HMHB1: variants seen among roughly 807,000 people sequenced by gnomAD.
The protein encoded by HMHB1 is histocompatibility minor HB-1, also known as minor histocompatibility protein HB-1.
A neutral mutation model predicts 2.4 loss-of-function variants in HMHB1; 4 were observed. The ratio of observed to expected loss-of-function variants is 1.65; its 90% confidence interval spans 0.81 to 3.77. HMHB1 has a LOEUF of 3.77. Among genes scored for constraint, HMHB1 ranks in the 30% most tolerant of loss-of-function variants. The probability of loss-of-function intolerance (pLI) is 0.01; values close to 1 mark genes in which losing one functional copy is unlikely to be tolerated. For missense variants in HMHB1, 57 were observed against 44.2 expected, an observed-to-expected ratio of 1.29 and a Z score of -0.82; for synonymous variants, 22 against 17.6, an observed-to-expected ratio of 1.25 and a Z score of -0.63.
At chr5:143,820,410 T>G (rs1335714918) in intron 1 of HMHB1, 70 bp from the exon 2 acceptor site, 2 of 811,634 alleles carry the variant, frequency 2.5e-6, no homozygotes, top group African/African-American at 3.4e-5. Flanking sequence ...TGGAGTTTTA[T>G]TAATCTAAAT....
At position 143,820,479 on chromosome 5, in the gene HMHB1, G is replaced by A. The variant is rs202039699; in HGVS notation, c.38-1G>A. 1.3e-6 allele frequency: 2 copies of A among 1,597,096 alleles called. No individual in the cohort carries two copies. The highest frequency in any genetic ancestry group is 1.1e-5 in the South Asian group (1 of 90,684). On this transcript the variant is annotated splice_acceptor_variant, in intron 1 of 1. Coordinates refer to ENST00000289448, the MANE Select transcript of HMHB1 (RefSeq NM_021182.3). LOFTEE classifies it high-confidence loss of function. ...CTCAGCTAAGCCATTCTTTTCTATA[G>A]GTTCTCTGCATGTTTGGAAGTCGGA...
At chr5:143,819,589 C>T (rs772737469) in intron 1 of HMHB1, among the ~76,000 whole-genome samples, 7 of 144,470 alleles carry the variant, frequency 4.8e-5, no homozygotes, top group East Asian at 4.1e-4. Context: ...AAGCCAAGAT[C>T]GTGCCACTGC....
intron 1 of HMHB1, among the ~76,000 whole-genome samples, chr5:143,819,335 A>T (rs1759781199): frequency 6.6e-6 from 1 of 152,218 alleles, no homozygotes; most frequent in Non-Finnish European, 1.5e-5. Flanking sequence ...ATGGGCAGAG[A>T]ACCCTAAAAG....
intron 1 of HMHB1, among the ~76,000 whole-genome samples, chr5:143,818,957 A>G (rs1345271688): frequency 6.6e-6 from 1 of 152,170 alleles, no homozygotes; most frequent in African/African-American, 2.4e-5. Flanking sequence ...AAAGTCAACA[A>G]CTCAGCCAGG....
In HMHB1 at chr5:143,820,554, A is replaced by ACTTATAG. The variant is rs760186711; in HGVS notation, c.113_119dup (p.Arg40SerfsTer3). ...GTATCTGAGGCACAGCTCTTCCCTG[A>ACTTATAG]CTTATAGGCTTTGACACTGCTGTTG... On this transcript the variant is annotated frameshift_variant, in exon 2 of 2. Transcript: ENST00000289448. LOFTEE classifies it high-confidence loss of function. 4 of 1,611,622 alleles carry ACTTATAG rather than the reference A, an allele frequency of 2.5e-6. No individual in the cohort carries two copies. The South Asian group carries it at 4.4e-5, about 18-fold the overall frequency.
rs60960654 is a variant in HMHB1 at position 143,820,318 on chromosome 5, T to TA, written c.38-130dup. ...AGGTGCTGCCCCGGCTCATCATAAG[T>TA]AAAAAAAAAAAAAAAAAAAAAAAAA... On this transcript the variant is annotated intron_variant, in intron 1 of 1. Transcript: ENST00000289448. Among the ~76,000 whole-genome samples the TA allele has an allele frequency of 2.0e-3, 97 of 47,562 alleles. 1 individual carries two copies. The highest frequency in any genetic ancestry group is 2.9e-3 in the Admixed American group (10 of 3,454). 31.2% of individuals were successfully genotyped at this position (47,562 alleles called of 152,430 possible).
chr5:143,815,378 A>G (rs1759735086), intron 1 of HMHB1, among the ~76,000 whole-genome samples: 1 of 152,204 alleles, frequency 6.6e-6, no homozygotes, highest in Non-Finnish European at 1.5e-5. Flanking sequence ...ATTTACCTGC[A>G]TTCCATTGCT....
intron 1 of HMHB1, among the ~76,000 whole-genome samples, chr5:143,815,667 A>T (rs1475048423): frequency 6.8e-6 from 1 of 147,640 alleles, no homozygotes; most frequent in African/African-American, 2.5e-5. Flanking sequence ...AGCTGGGATT[A>T]CAGGTGAGCG....
rs547847744 is a variant in HMHB1, at chr5:143,812,193, G to T, written c.-75G>T. 7.0e-7 allele frequency: 1 copy of T among 1,423,184 alleles called. No individual in the cohort carries two copies. Among genetic ancestry groups the T allele is most frequent in the Non-Finnish European group, 9.6e-7 (1 of 1,036,404 alleles). The allele number at this position is 1,423,184 out of a possible 1,614,324, so 88.2% of individuals were successfully genotyped here. On this transcript the variant is annotated 5_prime_UTR_variant, in exon 1 of 2. Coordinates refer to ENST00000289448, the MANE Select transcript of HMHB1 (RefSeq NM_021182.3). ...CCAGGAGGCCGAGGCGGCTTGCCCCGCATCTCAGAAGCCGGGCAGGCCCTG... is the reference window on the plus strand; with the variant it reads ...CCAGGAGGCCGAGGCGGCTTGCCCCTCATCTCAGAAGCCGGGCAGGCCCTG...
intron 1 of HMHB1, among the ~76,000 whole-genome samples, chr5:143,814,665 C>T (rs1054365212): frequency 6.6e-6 from 1 of 152,174 alleles, no homozygotes; most frequent in African/African-American, 2.4e-5. Flanking sequence ...CTTCAATCGT[C>T]TCTAATTATA....
chr5:143,818,892 A>C (rs1170771553), intron 1 of HMHB1, among the ~76,000 whole-genome samples: 1 of 152,218 alleles, frequency 6.6e-6, no homozygotes, highest in Non-Finnish European at 1.5e-5. Context: ...TCAGGTTAAC[A>C]TCAGCAAAAG....
At chr5:143,814,363 A>T (rs1759725424) in intron 1 of HMHB1, among the ~76,000 whole-genome samples, 1 of 152,226 alleles carries the variant, frequency 6.6e-6, no homozygotes, top group Admixed American at 6.5e-5. Flanking sequence ...TCTCTCGTCA[A>T]TAGAAAAAAA....
chr5:143,817,859 A>T (rs1759766884), intron 1 of HMHB1, among the ~76,000 whole-genome samples: 1 of 152,180 alleles, frequency 6.6e-6, no homozygotes, highest in African/African-American at 2.4e-5. Flanking sequence ...CCTAGAAATA[A>T]ATTAGTAAAT....
chr5:143,820,328 A>AAAAAAAAAAAAAAAAAAAAAAC (rs1759796580), intron 1 of HMHB1, 152 bp from the exon 2 acceptor site: 2 of 249,602 alleles, frequency 8.0e-6, no homozygotes, highest in Non-Finnish European at 1.4e-5. Context: ...TAAAAAAAAA[A>AAAAAAAAAAAAAAAAAAAAAAC]AAAAAAAAAA....
At chr5:143,819,531 A>C (rs1759784125) in intron 1 of HMHB1, among the ~76,000 whole-genome samples, 1 of 150,746 alleles carries the variant, frequency 6.6e-6, no homozygotes, top group South Asian at 2.1e-4. Context: ...GCTACTCGGG[A>C]GGCTGAGGCA....
chr5:143,819,516 T>A (rs1254136286), intron 1 of HMHB1, among the ~76,000 whole-genome samples: 1 of 151,434 alleles, frequency 6.6e-6, no homozygotes, highest in Non-Finnish European at 1.5e-5. Context: ...GAGCCTGTAA[T>A]CCCAGCTACT....
chr5:143,818,218 A>G (rs951641273), intron 1 of HMHB1, among the ~76,000 whole-genome samples: 1 of 152,238 alleles, frequency 6.6e-6, no homozygotes, highest in Admixed American at 6.5e-5. Context: ...ACAAAGTGGT[A>G]AGACAGCCCT....
At chr5:143,817,460 G>C (rs1759762185) in intron 1 of HMHB1, among the ~76,000 whole-genome samples, 1 of 152,098 alleles carries the variant, frequency 6.6e-6, no homozygotes, top group East Asian at 1.9e-4. Context: ...TGTTGACAAG[G>C]GTGTCCTTTC....
At chr5:143,819,864 A>ATT (rs1187647780) in intron 1 of HMHB1, among the ~76,000 whole-genome samples, 30 of 152,156 alleles carry the variant, frequency 2.0e-4, no homozygotes, top group Non-Finnish European at 3.8e-4. Flanking sequence ...GGGCTTATGG[A>ATT]AAAACTGTTC....
Sources: allele counts gnomAD v4.1 joint callset (sites outside exome capture counted in the v4.1 genomes callset), GRCh38; gene constraint gnomAD v4.1.1; transcripts MANE v1.5; gene names NCBI Gene and HGNC (gene_info 2026-07-23, HGNC 2026-07-21).